The following TNFRSF10B variants were observed in gnomAD, a reference collection of about 807,000 sequenced individuals.
The protein encoded by TNFRSF10B is TNF receptor superfamily member 10b.
TNFRSF10B carries 35 observed loss-of-function variants against 41.4 expected under a neutral mutation model. The ratio of observed to expected loss-of-function variants is 0.85; its 90% CI spans 0.65 to 1.12. The LOEUF is 1.12. TNFRSF10B is among the 50% of genes most tolerant of loss of function. The pLI is 0.00. For synonymous variants in TNFRSF10B, 230 were observed against 215.5 expected (o/e 1.07, Z -0.59); for missense variants, 584 against 552.7 (o/e 1.06, Z -0.57).
chr8:23,027,440 C>T (rs1453353873), intron 6 of TNFRSF10B, 152 bp from the exon 7 acceptor site: 68 of 983,464 alleles, frequency 6.9e-5, no homozygotes, highest in Non-Finnish European at 9.7e-5. Flanking sequence ...ATCCAGGACC[C>T]GCTGCTGGGG....
chr8:23,023,692 G>A (rs1811614058), intron 8 of TNFRSF10B, among the ~76,000 whole-genome samples: 1 of 152,118 alleles, frequency 6.6e-6, no homozygotes, highest in South Asian at 2.1e-4. Context: ...TTAATGTATG[G>A]TACTGAATAT....
Position 23,022,259 on chromosome 8 carries a change from AC to A in TNFRSF10B, c.*411del, listed in dbSNP as rs1233590661. The A allele has an allele frequency of 4.4e-6, 2 of 453,714 alleles. No individual in the cohort carries two copies. The highest frequency in any genetic ancestry group is 2.0e-5 in the African/African-American group (1 of 49,896). The allele number at this position is 453,714 out of a possible 1,614,324, so 28.1% of individuals were successfully genotyped here. A position where few individuals can be genotyped will look rare whatever the true frequency, so the allele number is the denominator to read the frequency against. Reference sequence around the variant, plus strand: ...TGGGAGACAGAGTGAACTGCCCCGCACCCCCCACCCAAAAAAGGTTCATATC... The same window carrying A: ...TGGGAGACAGAGTGAACTGCCCCGCACCCCCACCCAAAAAAGGTTCATATC... On this transcript the variant is annotated 3_prime_UTR_variant, in exon 9 of 9. Coordinates refer to ENST00000276431, the MANE Select transcript of TNFRSF10B (RefSeq NM_003842.5).
intron 2 of TNFRSF10B, 41 bp from the exon 3 acceptor site, chr8:23,030,913 G>T (rs555347820): frequency 6.3e-5 from 92 of 1,458,792 alleles, no homozygotes; most frequent in Non-Finnish European, 7.6e-5. Flanking sequence ...AATGCCACAG[G>T]ATTCCCAGAA....
At position 23,021,682 on chromosome 8, in the gene TNFRSF10B, ACT is replaced by A; in HGVS notation, c.*987_*988del. ...GTGGATCCAGTTCTCTTTGGTCCCG[ACT>A]CATATGTAAACAACTACCTATAAAT... is the stretch of plus-strand genomic sequence containing the variant. On this transcript the variant is annotated 3_prime_UTR_variant, in exon 9 of 9. Coordinates refer to ENST00000276431, the MANE Select transcript of TNFRSF10B (RefSeq NM_003842.5). 2.2e-6 allele frequency: 1 copy of A among 454,042 alleles called. No individual in the cohort carries two copies. The highest frequency in any genetic ancestry group is 4.4e-6 in the Non-Finnish European group (1 of 226,782). 28.1% of individuals were successfully genotyped at this position (454,042 alleles called of 1,614,324 possible).
At chr8:23,037,614 C>T (rs1481800543) in intron 2 of TNFRSF10B, among the ~76,000 whole-genome samples, 1 of 152,166 alleles carries the variant, frequency 6.6e-6, no homozygotes, top group African/African-American at 2.4e-5. Flanking sequence ...ATGAAGCGCC[C>T]ACTATAATGG....
In TNFRSF10B at chr8:23,038,680, G is replaced by A. The variant is rs568526827; in HGVS notation, c.250+4458C>T. 1.7e-4 allele frequency among the ~76,000 whole-genome samples: 26 copies of A among 152,226 alleles called. No homozygotes were observed. In the East Asian group the frequency reaches 3.1e-3, roughly 18 times the overall value. On this transcript the variant is annotated intron_variant, in intron 2 of 8. Coordinates refer to ENST00000276431, the MANE Select transcript of TNFRSF10B (RefSeq NM_003842.5). Reference sequence around the variant, plus strand: ...CCTCTTCTGGAGAAAGGGTTAGTGCGTTTTCAGTTGTATACAGGATAGCTG... The same window carrying A: ...CCTCTTCTGGAGAAAGGGTTAGTGCATTTTCAGTTGTATACAGGATAGCTG...
At chr8:23,054,761 C>T (rs1378426831) in intron 1 of TNFRSF10B, among the ~76,000 whole-genome samples, 1 of 152,224 alleles carries the variant, frequency 6.6e-6, no homozygotes, top group Non-Finnish European at 1.5e-5. Flanking sequence ...ATTCACCCAA[C>T]TCATAGGTAT....
In TNFRSF10B at chr8:23,029,598, C is replaced by T. The variant is rs1811817771; in HGVS notation, c.476+12G>A. On this transcript the variant is annotated intron_variant, in intron 4 of 8. Transcript: ENST00000276431. ...CCATGGAGCTACTGGGAGCCCCCGG[C>T]TCCTGTCTCACCCTGTGCGGCACTT... 6.2e-7 allele frequency: 1 copy of T among 1,604,560 alleles called. No homozygotes were observed. Among genetic ancestry groups the T allele is most frequent in the African/African-American group, 1.3e-5 (1 of 74,826 alleles).
At chr8:23,044,527 G>C (rs1476357372) in intron 1 of TNFRSF10B, among the ~76,000 whole-genome samples, 1 of 152,118 alleles carries the variant, frequency 6.6e-6, no homozygotes, top group Admixed American at 6.5e-5. Flanking sequence ...ATGGTAACAA[G>C]CTCCTGAATA....
Position 23,068,763 on chromosome 8 carries a change from C to G in TNFRSF10B, c.132G>C (p.Ala44=), listed in dbSNP as rs762300417. ...VPKTLVLVVA[A]VLLLVSAESA... Reference sequence around the variant, plus strand: ...GGCGGGGACTCACCAACAGCAGGACCGCGGCGACAACGAGCACAAGGGTCT... The same window carrying G: ...GGCGGGGACTCACCAACAGCAGGACGGCGGCGACAACGAGCACAAGGGTCT... The change falls in exon 1 of 9, where the codon GCG becomes GCC. Residue 44 remains alanine, a synonymous_variant. Coordinates refer to ENST00000276431, the MANE Select transcript of TNFRSF10B (RefSeq NM_003842.5). 5 of 1,590,432 alleles carry G rather than the reference C, an allele frequency of 3.1e-6. No homozygotes were observed. The highest frequency in any genetic ancestry group is 3.5e-5 in the Admixed American group (2 of 56,662).
At chr8:23,062,757 G>C (rs1812868133) in intron 1 of TNFRSF10B, among the ~76,000 whole-genome samples, 1 of 151,970 alleles carries the variant, frequency 6.6e-6, no homozygotes, top group African/African-American at 2.4e-5. Flanking sequence ...TAATTATTTT[G>C]AAATTCGGTC....
chr8:23,029,497 C>T (rs1052298799), intron 4 of TNFRSF10B, 113 bp downstream of exon 4: 2 of 1,047,604 alleles, frequency 1.9e-6, no homozygotes, highest in African/African-American at 1.6e-5. Flanking sequence ...GGGGCAGCCA[C>T]AGCCTCAAGG....
chr8:23,027,659 C>G (rs578207023), intron 6 of TNFRSF10B, 63 bp downstream of exon 6: 3 of 1,611,128 alleles, frequency 1.9e-6, no homozygotes, highest in South Asian at 2.2e-5. Flanking sequence ...CACCCAGGTT[C>G]TGCTGTCCCA....
At chr8:23,037,813 C>T (rs111626636) in intron 2 of TNFRSF10B, among the ~76,000 whole-genome samples, 7 of 152,260 alleles carry the variant, frequency 4.6e-5, no homozygotes, top group African/African-American at 1.2e-4. Context: ...CCAATACATG[C>T]GGTTGCTTCT....
chr8:23,044,947 G>A (rs1350298727), intron 1 of TNFRSF10B, among the ~76,000 whole-genome samples: 1 of 151,712 alleles, frequency 6.6e-6, no homozygotes, highest in Non-Finnish European at 1.5e-5. Context: ...CAGGTGCAGT[G>A]GCTCATGCCT....
chr8:23,043,130 G>A lies in TNFRSF10B; in HGVS notation c.250+8C>T, dbSNP rs1230640826. The A allele has an allele frequency of 6.2e-7, 1 of 1,613,370 alleles. No individual in the cohort carries two copies. The highest frequency in any genetic ancestry group is 1.3e-5 in the African/African-American group (1 of 74,928). ...GGGGCAAGGATTAGAGACCCATCTT[G>A]AACATACCAGGTGGACACAATCCCT... On this transcript the variant is annotated splice_region_variant and intron_variant, in intron 2 of 8. Coordinates refer to ENST00000276431, the MANE Select transcript of TNFRSF10B (RefSeq NM_003842.5).
At chr8:23,065,824 A>G (rs1812964717) in intron 1 of TNFRSF10B, among the ~76,000 whole-genome samples, 2 of 152,028 alleles carry the variant, frequency 1.3e-5, no homozygotes, top group African/African-American at 2.4e-5. Context: ...CTATGCATGA[A>G]AAAAAAAGTC....
rs1010152391 is a variant in TNFRSF10B, at chr8:23,020,962, CA to C, written c.*1708del. 4.4e-6 allele frequency: 2 copies of C among 453,950 alleles called. No individual in the cohort carries two copies. The highest frequency in any genetic ancestry group is 4.0e-5 in the African/African-American group (2 of 49,974). The allele number at this position is 453,950 out of a possible 1,614,324, so 28.1% of individuals were successfully genotyped here. A position where few individuals can be genotyped will look rare whatever the true frequency, so the allele number is the denominator to read the frequency against. On this transcript the variant is annotated 3_prime_UTR_variant, in exon 9 of 9. Transcript: ENST00000276431. ...ATGGAAGTGCAAAGACCAGAAAGGT[CA>C]CCCCCCACTCCTAAAACTCCACAGA... is the stretch of plus-strand genomic sequence containing the variant.
chr8:23,054,137 G>C (rs1198238665), intron 1 of TNFRSF10B, among the ~76,000 whole-genome samples: 2 of 152,174 alleles, frequency 1.3e-5, no homozygotes, highest in East Asian at 3.8e-4. Context: ...AGGTGCTCTT[G>C]AATGCAGGTT....
Sources: gnomAD v4.1 joint callset for allele counts (sites outside exome capture counted in the v4.1 genomes callset) on GRCh38, gnomAD v4.1.1 for gene constraint, MANE v1.5 for transcripts, NCBI Gene and HGNC (gene_info 2026-07-23, HGNC 2026-07-21) for gene names.